Variants in GALNT8 observed in about 807,000 individuals in gnomAD.
GALNT8 encodes probable polypeptide N-acetylgalactosaminyltransferase 8.
A neutral mutation model predicts 62.7 loss-of-function variants in GALNT8; 66 were observed. That is an observed-to-expected ratio of 1.05 (90% CI 0.86 to 1.29). The LOEUF (loss-of-function observed/expected upper bound fraction) is 1.29, where lower values mean the gene tolerates loss of function less well. Ranked by LOEUF, GALNT8 falls within the 50% of genes most tolerant of loss-of-function variation. The pLI is 0.00. For synonymous variants in GALNT8, 288 were observed against 294.3 expected, an observed-to-expected ratio of 0.98 and a Z score of 0.22; for missense variants, 771 against 791.8, an observed-to-expected ratio of 0.97 and a Z score of 0.32.
At chr12:4,730,993 C>T (rs1342500860) in intron 2 of GALNT8, among the ~76,000 whole-genome samples, 22 of 151,766 alleles carry the variant, frequency 1.4e-4, no homozygotes, top group African/African-American at 4.1e-4. Flanking sequence ...GGACTACAGG[C>T]GCCCACCACC....
At chr12:4,721,771 C>G (rs760313572) in intron 1 of GALNT8, among the ~76,000 whole-genome samples, 6 of 152,158 alleles carry the variant, frequency 3.9e-5, no homozygotes, top group Non-Finnish European at 8.8e-5. Flanking sequence ...CTCCTCAGCA[C>G]AGACCCTTTA....
chr12:4,756,412 C>G (rs1946345214), intron 6 of GALNT8, among the ~76,000 whole-genome samples: 1 of 152,162 alleles, frequency 6.6e-6, no homozygotes, highest in Non-Finnish European at 1.5e-5. Flanking sequence ...CATTAAGCAC[C>G]TAGTATGGTG....
At chr12:4,723,975 C>G (rs1164905307) in intron 1 of GALNT8, among the ~76,000 whole-genome samples, 2 of 151,296 alleles carry the variant, frequency 1.3e-5, no homozygotes, top group Admixed American at 1.3e-4. Flanking sequence ...ACGGTGAAAC[C>G]CCGTCTCTAG....
chr12:4,742,531 G>A lies in GALNT8; in HGVS notation c.677-1986G>A, dbSNP rs147296055. On this transcript the variant is annotated intron_variant, in intron 3 of 10. Coordinates refer to ENST00000252318, the MANE Select transcript of GALNT8 (RefSeq NM_017417.2). ...TTAATTAATGAGGCAAGACACATCTGTGGAAAGATACCTTAATGTGTGAAG... is the reference window on the plus strand; with the variant it reads ...TTAATTAATGAGGCAAGACACATCTATGGAAAGATACCTTAATGTGTGAAG... Among the ~76,000 whole-genome samples the A allele has an allele frequency of 2.6e-5, 4 of 152,354 alleles. No individual in the cohort carries two copies. In the East Asian group the frequency reaches 7.7e-4, roughly 29 times the overall value.
At chr12:4,769,210 G>A (rs867393026) in intron 10 of GALNT8, among the ~76,000 whole-genome samples, 2 of 152,196 alleles carry the variant, frequency 1.3e-5, no homozygotes, top group African/African-American at 2.4e-5. Context: ...GTGAGGAGGA[G>A]GAGAGCACTC....
chr12:4,763,466 G>T (rs1946382254), intron 8 of GALNT8, 76 bp downstream of exon 8: 1 of 1,221,532 alleles, frequency 8.2e-7, no homozygotes, highest in East Asian at 2.3e-5. Flanking sequence ...TCTCGTGATT[G>T]CCTGTCCTGC....
chr12:4,760,160 C>G (rs1032942563), intron 6 of GALNT8, among the ~76,000 whole-genome samples: 3 of 152,188 alleles, frequency 2.0e-5, no homozygotes, highest in African/African-American at 7.2e-5. Context: ...AGGTGTCAGC[C>G]AGAGTTGGGT....
At chr12:4,741,454 C>T (rs1432754673) in intron 3 of GALNT8, among the ~76,000 whole-genome samples, 2 of 152,150 alleles carry the variant, frequency 1.3e-5, no homozygotes, top group Non-Finnish European at 2.9e-5. Flanking sequence ...TCTGAAAACA[C>T]TCTGGCTCTG....
chr12:4,744,726 C>T (rs2137531838), intron 4 of GALNT8, 26 bp downstream of exon 4: 1 of 1,527,544 alleles, frequency 6.5e-7, no homozygotes, highest in African/African-American at 1.4e-5. Context: ...GCTAGTTCTT[C>T]TGGAAAGGGC....
rs138350346 is a variant in GALNT8 at position 4,749,666 on chromosome 12, A to G, written c.1173+3408A>G. On this transcript the variant is annotated intron_variant, in intron 6 of 10. Coordinates refer to ENST00000252318, the MANE Select transcript of GALNT8 (RefSeq NM_017417.2). This position sits in a 1 kb window ranked among gnomAD's most constrained non-coding sequence, Gnocchi z 4.1. ...CTTTGTCTTGTTTTGGTAGCAGGGT[A>G]ATACTGGCCTCATAGAATGAGTTTG... 5.0e-4 allele frequency among the ~76,000 whole-genome samples: 76 copies of G among 151,380 alleles called. No homozygotes were observed. Among genetic ancestry groups the G allele is most frequent in the African/African-American group, 1.8e-3 (74 of 41,238 alleles).
At chr12:4,729,879 T>C (rs1316150916) in intron 2 of GALNT8, among the ~76,000 whole-genome samples, 1 of 152,168 alleles carries the variant, frequency 6.6e-6, no homozygotes, top group Non-Finnish European at 1.5e-5. Context: ...CACATTATCG[T>C]CAATACTTGT....
intron 6 of GALNT8, among the ~76,000 whole-genome samples, chr12:4,759,319 C>T (rs1256950540): frequency 2.0e-5 from 3 of 151,964 alleles, no homozygotes. Flanking sequence ...AAAATGTGCA[C>T]TTCAGGTTAT....
intron 10 of GALNT8, among the ~76,000 whole-genome samples, chr12:4,766,170 T>C (rs1591575833): frequency 6.6e-6 from 1 of 152,284 alleles, no homozygotes; most frequent in Middle Eastern, 3.4e-3. Context: ...AGGGAAAATA[T>C]TGGAAACAGG....
chr12:4,721,428 C>T (rs569183856), intron 1 of GALNT8, among the ~76,000 whole-genome samples: 49 of 152,062 alleles, frequency 3.2e-4, no homozygotes, highest in Middle Eastern at 3.4e-3. Flanking sequence ...GGGTGTTTCT[C>T]GGAGAGGGGG....
At chr12:4,753,847 A>G (rs1946332651) in intron 6 of GALNT8, among the ~76,000 whole-genome samples, 1 of 152,176 alleles carries the variant, frequency 6.6e-6, no homozygotes, top group Non-Finnish European at 1.5e-5. Context: ...CTTTCCAGAT[A>G]TTCAAAAAGA....
Position 4,744,556 on chromosome 12 carries a change from ACAACCAGAAGT to A in GALNT8, c.717_727del (p.Tyr239Ter). On this transcript the variant is annotated stop_gained and frameshift_variant, in exon 4 of 11. Coordinates refer to ENST00000252318, the MANE Select transcript of GALNT8 (RefSeq NM_017417.2). LOFTEE classifies it high-confidence loss of function. ...CACTTGGATGAGAAGATTAAGCTTT[ACAACCAGAAGT>A]ATCCAGGACTACTGAAAATAATACG... 1 of 1,612,916 alleles carries A rather than the reference ACAACCAGAAGT, an allele frequency of 6.2e-7. No homozygotes were observed. Among genetic ancestry groups the A allele is most frequent in the Non-Finnish European group, 8.5e-7 (1 of 1,179,180 alleles).
intron 2 of GALNT8, among the ~76,000 whole-genome samples, chr12:4,727,765 A>G (rs1017276340): frequency 6.1e-4 from 93 of 152,186 alleles, no homozygotes; most frequent in African/African-American, 2.1e-3. Flanking sequence ...TCCATTCATC[A>G]GGTGATGAAC....
rs149118193 is a variant in GALNT8, at chr12:4,744,625, G to A, written c.785G>A (p.Arg262His). Residue 262 changes from arginine to histidine, a missense_variant, in exon 4 of 11, where the codon CGC becomes CAC. Physicochemically the swap from Arg to His is conservative, Grantham distance 29. Transcript: ENST00000252318. ...HPERKGLAQA[R>H]NTGWEAATAD... ...GAAAGGAAAGGTCTTGCTCAAGCCC[G>A]CAACACTGGCTGGGAAGCTGCCACA... The A allele has an allele frequency of 2.4e-5, 39 of 1,613,492 alleles. No homozygotes were observed. The highest frequency in any genetic ancestry group is 4.5e-5 in the East Asian group (2 of 44,880).
At chr12:4,769,389 A>G (rs930106821) in intron 10 of GALNT8, among the ~76,000 whole-genome samples, 8 of 152,206 alleles carry the variant, frequency 5.3e-5, no homozygotes, top group African/African-American at 1.9e-4. Context: ...TAAGGCACTG[A>G]TTCTTTTTTA....
Sources: gnomAD v4.1 joint callset for allele counts (sites outside exome capture counted in the v4.1 genomes callset) on GRCh38, gnomAD v4.1.1 for gene constraint, Gnocchi (gnomAD v3.1) non-coding constraint, MANE v1.5 for transcripts, NCBI Gene and HGNC (gene_info 2026-07-23, HGNC 2026-07-21) for gene names.